NLK: variants seen among roughly 807,000 people sequenced by gnomAD.
NLK encodes the protein nemo like kinase, also known as serine/threonine-protein kinase NLK.
A neutral mutation model predicts 59.0 loss-of-function variants in NLK; 11 were observed. The observed-to-expected ratio is 0.19, with a 90% CI of 0.12 to 0.31. The LOEUF is 0.31. Among genes scored for constraint, NLK ranks in the 10% least tolerant of loss-of-function variants. The pLI, the probability that NLK is intolerant of heterozygous loss-of-function variation, is 1.00. For missense variants in NLK, 410 were observed against 661.1 expected, an observed-to-expected ratio of 0.62 and a Z score of 4.16; for synonymous variants, 235 against 235.9, an observed-to-expected ratio of 1.00 and a Z score of 0.03.
chr17:28,190,833 G>A lies in NLK; in HGVS notation c.1237-188G>A, dbSNP rs1909280038. On this transcript the variant is annotated intron_variant, in intron 8 of 10. Coordinates refer to ENST00000407008, the MANE Select transcript of NLK (RefSeq NM_016231.5). ...GTGATGGTAGATAATAACAGTAGTT[G>A]TCCTAAATCATACACTCCCTCTGCT... is the stretch of plus-strand genomic sequence containing the variant. 7.9e-6 allele frequency: 4 copies of A among 503,554 alleles called. No individual in the cohort carries two copies. The East Asian group carries it at 9.3e-5, about 12-fold the overall frequency. The allele number at this position is 503,554 out of a possible 1,614,324, so 31.2% of individuals were successfully genotyped here.
chr17:28,077,482 A>G (rs531948213), intron 1 of NLK, among the ~76,000 whole-genome samples: 1 of 152,276 alleles, frequency 6.6e-6, no homozygotes, highest in South Asian at 2.1e-4. Context: ...TTATGGGAGT[A>G]GAATTCAAGA....
chr17:28,103,563 T>C (rs1211468510), intron 1 of NLK, among the ~76,000 whole-genome samples: 1 of 152,180 alleles, frequency 6.6e-6, no homozygotes, highest in East Asian at 1.9e-4. Flanking sequence ...AGATAATGAA[T>C]TTGGAAATAT....
chr17:28,066,391 T>C (rs1490389326), intron 1 of NLK, among the ~76,000 whole-genome samples: 1 of 152,250 alleles, frequency 6.6e-6, no homozygotes, highest in Non-Finnish European at 1.5e-5. Context: ...TGACCTGTTA[T>C]TAACTAGCAG....
chr17:28,139,154 G>A (rs1259910944), intron 3 of NLK, among the ~76,000 whole-genome samples: 1 of 152,142 alleles, frequency 6.6e-6, no homozygotes, highest in Non-Finnish European at 1.5e-5. Flanking sequence ...TACTCAAGAG[G>A]CTGAGGCGGG....
At chr17:28,132,723 A>G (rs769802135) in intron 3 of NLK, 48 bp downstream of exon 3, 1 of 1,486,188 alleles carries the variant, frequency 6.7e-7, no homozygotes, top group Non-Finnish European at 9.3e-7. Flanking sequence ...TTTAAAATTA[A>G]TTTGTTCTTC....
intron 3 of NLK, among the ~76,000 whole-genome samples, chr17:28,160,104 T>TG (rs1907941868): frequency 1.3e-5 from 2 of 152,190 alleles, no homozygotes; most frequent in South Asian, 4.1e-4. Flanking sequence ...GTCTGCAGCA[T>TG]GGATGTTATT....
intron 3 of NLK, among the ~76,000 whole-genome samples, chr17:28,144,207 A>G (rs947911872): frequency 4.6e-5 from 7 of 152,138 alleles, no homozygotes; most frequent in Non-Finnish European, 1.0e-4. Context: ...CTTTTAGTTC[A>G]TTTAAAAGGC....
chr17:28,166,492 C>G (rs764974165), intron 5 of NLK, among the ~76,000 whole-genome samples: 2 of 151,948 alleles, frequency 1.3e-5, no homozygotes, highest in Admixed American at 1.3e-4. Flanking sequence ...TTTAAGCTGC[C>G]GGAACTCTTT....
At chr17:28,107,736 A>C (rs1273030272) in intron 1 of NLK, among the ~76,000 whole-genome samples, 1 of 152,212 alleles carries the variant, frequency 6.6e-6, no homozygotes, top group African/African-American at 2.4e-5. Context: ...CCATTTCATT[A>C]CTGGGAAAAA....
chr17:28,083,593 A>G (rs1470502191), intron 1 of NLK, among the ~76,000 whole-genome samples: 9 of 152,224 alleles, frequency 5.9e-5, no homozygotes, highest in Non-Finnish European at 1.0e-4. Context: ...AAAAAGTTCT[A>G]ACAGTAACTC....
chr17:28,145,481 T>C lies in NLK; in HGVS notation c.644+12806T>C, dbSNP rs114352952. On this transcript the variant is annotated intron_variant, in intron 3 of 10. Transcript: ENST00000407008. ...CCCTCAAGTTCCCATCTGTCAAAAATATGTCCTGTAGAAAACCTTTCTTGG... is the reference window on the plus strand; with the variant it reads ...CCCTCAAGTTCCCATCTGTCAAAAACATGTCCTGTAGAAAACCTTTCTTGG... Among the ~76,000 whole-genome samples, 871 of 152,314 alleles carry C rather than the reference T, an allele frequency of 5.7e-3. 5 individuals are homozygous for C. The highest frequency in any genetic ancestry group is 0.02 in the African/African-American group (851 of 41,568).
Position 28,042,829 on chromosome 17 carries a change from C to G in NLK, c.-45C>G, listed in dbSNP as rs1435273504. The G allele has an allele frequency of 2.1e-6, 3 of 1,447,306 alleles. No individual in the cohort carries two copies. Among genetic ancestry groups the G allele is most frequent in the Non-Finnish European group, 2.7e-6 (3 of 1,091,828 alleles). The allele number at this position is 1,447,306 out of a possible 1,614,324, so 89.7% of individuals were successfully genotyped here. Reference sequence around the variant, plus strand: ...TCTTCATTTTTAAATGGCCAAATGACAGCTTGACCCAGTTTGCTTTCCAAT... The same window carrying G: ...TCTTCATTTTTAAATGGCCAAATGAGAGCTTGACCCAGTTTGCTTTCCAAT... On this transcript the variant is annotated 5_prime_UTR_variant, in exon 1 of 11. Coordinates refer to ENST00000407008, the MANE Select transcript of NLK (RefSeq NM_016231.5).
chr17:28,128,458 A>G (rs1780456847), intron 2 of NLK, among the ~76,000 whole-genome samples: 1 of 152,208 alleles, frequency 6.6e-6, no homozygotes. Flanking sequence ...AGACTGAGTT[A>G]TATATCTAAA....
chr17:28,060,482 G>A (rs764703167), intron 1 of NLK, among the ~76,000 whole-genome samples: 4 of 152,038 alleles, frequency 2.6e-5, no homozygotes, highest in Non-Finnish European at 5.9e-5. Flanking sequence ...ATGTTGCCCA[G>A]ACTGGTCTCT....
intron 8 of NLK, among the ~76,000 whole-genome samples, chr17:28,187,926 A>G (rs974914950): frequency 1.3e-5 from 2 of 152,194 alleles, no homozygotes; most frequent in Non-Finnish European, 2.9e-5. Flanking sequence ...TAGGCTGAGC[A>G]TAGGGCACAG....
intron 3 of NLK, among the ~76,000 whole-genome samples, chr17:28,138,192 A>G (rs180852772): frequency 6.6e-6 from 1 of 152,340 alleles, no homozygotes; most frequent in African/African-American, 2.4e-5. Flanking sequence ...CTAGTTACCT[A>G]CAGGGTTGGA....
chr17:28,146,101 T>A lies in NLK; in HGVS notation c.644+13426T>A, dbSNP rs111744642. ...AATGTTGGAAAGAAATAGGGGCACA[T>A]TCATACATTTTGAAAAAGGCCATGG... On this transcript the variant is annotated intron_variant, in intron 3 of 10. Transcript: ENST00000407008. Among the ~76,000 whole-genome samples the A allele has an allele frequency of 6.5e-3, 997 of 152,274 alleles. 15 individuals carry two copies. Among genetic ancestry groups the A allele is most frequent in the African/African-American group, 0.022 (928 of 41,548 alleles).
chr17:28,045,022 G>A (rs913972407), intron 1 of NLK, among the ~76,000 whole-genome samples: 4 of 152,016 alleles, frequency 2.6e-5, no homozygotes, highest in African/African-American at 9.7e-5. Context: ...TTAAGGAAGG[G>A]GGCAATAAAG....
intron 3 of NLK, among the ~76,000 whole-genome samples, chr17:28,136,991 T>C (rs1906778728): frequency 6.6e-6 from 1 of 152,082 alleles, no homozygotes; most frequent in Non-Finnish European, 1.5e-5. Context: ...TCCTCTTTTT[T>C]TCTCCTTGAA....
Sources: allele counts gnomAD v4.1 joint callset (sites outside exome capture counted in the v4.1 genomes callset), GRCh38; gene constraint gnomAD v4.1.1; transcripts MANE v1.5; gene names NCBI Gene and HGNC (gene_info 2026-07-23, HGNC 2026-07-21).